CERS6: variants seen among roughly 807,000 people sequenced by gnomAD.
The protein encoded by CERS6 is LAG1 homolog, ceramide synthase 6.
In CERS6, 26 loss-of-function variants were observed where a neutral mutation model predicts 56.8. That is an observed-to-expected ratio of 0.46 (90% confidence interval 0.34 to 0.63). The LOEUF (loss-of-function observed/expected upper bound fraction) is 0.63. Ranked by LOEUF, CERS6 falls within the 30% of genes least tolerant of loss-of-function variation. The pLI is 0.01. For missense variants in CERS6, 415 were observed against 467.5 expected (o/e 0.89, Z 1.04); for synonymous variants, 164 against 173.3 (o/e 0.95, Z 0.42).
chr2:168,524,032 A>G (rs956469296), intron 1 of CERS6, among the ~76,000 whole-genome samples: 47 of 152,192 alleles, frequency 3.1e-4, no homozygotes, highest in African/African-American at 1.1e-3. Context: ...TCTCCAGTAG[A>G]CATGCTGATG....
intron 6 of CERS6, among the ~76,000 whole-genome samples, chr2:168,697,276 G>A (rs892457651): frequency 1.3e-5 from 2 of 152,148 alleles, no homozygotes; most frequent in Non-Finnish European, 2.9e-5. Context: ...TTTGACACCC[G>A]TAATTTGTGG....
intron 8 of CERS6, among the ~76,000 whole-genome samples, chr2:168,728,863 G>A (rs916148897): frequency 6.6e-6 from 1 of 151,494 alleles, no homozygotes; most frequent in Non-Finnish European, 1.5e-5. Context: ...AAAAATAGCC[G>A]GGCATGGTGG....
At chr2:168,728,725 G>T (rs1683426256) in intron 8 of CERS6, among the ~76,000 whole-genome samples, 1 of 151,822 alleles carries the variant, frequency 6.6e-6, no homozygotes, top group African/African-American at 2.4e-5. Context: ...ATTGTCGCCG[G>T]CCAGTCGCAG....
At chr2:168,525,795 T>A (rs1695061235) in intron 1 of CERS6, among the ~76,000 whole-genome samples, 1 of 152,266 alleles carries the variant, frequency 6.6e-6, no homozygotes, top group South Asian at 2.1e-4. Flanking sequence ...GACCCTTCTC[T>A]GCAGGTCTTT....
intron 3 of CERS6, among the ~76,000 whole-genome samples, chr2:168,592,276 G>A (rs1294390085): frequency 6.6e-6 from 1 of 152,124 alleles, no homozygotes; most frequent in Non-Finnish European, 1.5e-5. Context: ...GCAGAAAATG[G>A]TGAATGGAAA....
intron 3 of CERS6, among the ~76,000 whole-genome samples, chr2:168,612,333 G>A (rs959915883): frequency 1.3e-5 from 2 of 152,182 alleles, no homozygotes; most frequent in Non-Finnish European, 2.9e-5. Flanking sequence ...CTGATTGTTG[G>A]TCACTTAAAG....
In CERS6 at chr2:168,531,826, A is replaced by G. The variant is rs1346430962; in HGVS notation, c.171-15770A>G. On this transcript the variant is annotated intron_variant, in intron 1 of 9. Coordinates refer to ENST00000305747, the MANE Select transcript of CERS6 (RefSeq NM_203463.3). ...ACAGAGCGAGACTCTGTCTCAAAAA[A>G]AAAAAAAAAAGGTCAGTGACCACCA... is the stretch of plus-strand genomic sequence containing the variant. 2.6e-5 allele frequency among the ~76,000 whole-genome samples: 4 copies of G among 152,172 alleles called. No individual in the cohort carries two copies. The East Asian group carries it at 7.7e-4, about 29-fold the overall frequency.
At chr2:168,756,995 G>T (rs1265374535) in intron 8 of CERS6, among the ~76,000 whole-genome samples, 1 of 152,156 alleles carries the variant, frequency 6.6e-6, no homozygotes, top group East Asian at 1.9e-4. Context: ...CATAGTTAAT[G>T]TTCAATAAGT....
chr2:168,493,425 T>C (rs553879373), intron 1 of CERS6, among the ~76,000 whole-genome samples: 2 of 152,118 alleles, frequency 1.3e-5, no homozygotes, highest in East Asian at 1.9e-4. Context: ...TAGCCCAGGG[T>C]TGAAGAGCTA....
At chr2:168,614,002 A>G (rs1684248967) in intron 3 of CERS6, among the ~76,000 whole-genome samples, 1 of 152,200 alleles carries the variant, frequency 6.6e-6, no homozygotes, top group African/African-American at 2.4e-5. Flanking sequence ...ATGGGGTTGG[A>G]TTTTGTGAAA....
chr2:168,749,526 A>C (rs1684200219), intron 8 of CERS6, among the ~76,000 whole-genome samples: 1 of 152,230 alleles, frequency 6.6e-6, no homozygotes, highest in South Asian at 2.1e-4. Context: ...CAGTCTGAGC[A>C]GATGGGGGAA....
chr2:168,671,133 G>A (rs944793140), intron 4 of CERS6, among the ~76,000 whole-genome samples: 1 of 151,450 alleles, frequency 6.6e-6, no homozygotes, highest in African/African-American at 2.4e-5. Flanking sequence ...GCTAATTTTT[G>A]TATTTTTTTT....
chr2:168,704,313 C>G, intron 6 of CERS6, among the ~76,000 whole-genome samples: 1 of 152,004 alleles, frequency 6.6e-6, no homozygotes, highest in East Asian at 1.9e-4. Context: ...GTCTCGGGCT[C>G]TGGGCACATA....
At chr2:168,735,087 G>C (rs1683671007) in intron 8 of CERS6, among the ~76,000 whole-genome samples, 1 of 152,110 alleles carries the variant, frequency 6.6e-6, no homozygotes, top group Non-Finnish European at 1.5e-5. Flanking sequence ...TTCTCAAGTG[G>C]ACCAGTTCTT....
rs145984298 is a variant in CERS6 at position 168,638,425 on chromosome 2, G to A, written c.465+7383G>A. Among the ~76,000 whole-genome samples the A allele has an allele frequency of 1.0e-2, 1,012 of 101,572 alleles. 12 individuals are homozygous for A. Among genetic ancestry groups the A allele is most frequent in the African/African-American group, 0.025 (917 of 36,676 alleles). The allele number at this position is 101,572 out of a possible 152,430, so 66.6% of individuals were successfully genotyped here. A position where few individuals can be genotyped will look rare whatever the true frequency, so the allele number is the denominator to read the frequency against. ...TACCCTGATTTGACCATTGCACATC[G>A]TATCAAAAAAAAAAAGTATCAAAAA... On this transcript the variant is annotated intron_variant, in intron 4 of 9. Coordinates refer to ENST00000305747, the MANE Select transcript of CERS6 (RefSeq NM_203463.3).
At chr2:168,590,849 G>T (rs1040619667) in intron 3 of CERS6, among the ~76,000 whole-genome samples, 1 of 152,126 alleles carries the variant, frequency 6.6e-6, no homozygotes, top group East Asian at 1.9e-4. Flanking sequence ...TTGGAATAAC[G>T]TGCCCAAAGC....
chr2:168,468,788 CTCTT>C (rs1462944563), intron 1 of CERS6, among the ~76,000 whole-genome samples: 2 of 152,176 alleles, frequency 1.3e-5, no homozygotes, highest in East Asian at 1.9e-4. Flanking sequence ...TCCCTTCTCT[CTCTT>C]TTTTTCCTCT....
intron 1 of CERS6, among the ~76,000 whole-genome samples, chr2:168,522,727 T>C (rs1160019924): frequency 1.3e-5 from 2 of 152,158 alleles, no homozygotes; most frequent in East Asian, 1.9e-4. Flanking sequence ...TTTTTACTTT[T>C]TTGTAGAGAC....
intron 6 of CERS6, among the ~76,000 whole-genome samples, chr2:168,712,674 A>G (rs1266991446): frequency 1.3e-5 from 2 of 152,152 alleles, no homozygotes; most frequent in Non-Finnish European, 2.9e-5. Context: ...AATTTTTACA[A>G]TCTGTAATGT....
Sources: allele counts gnomAD v4.1 joint callset (sites outside exome capture counted in the v4.1 genomes callset), GRCh38; gene constraint gnomAD v4.1.1; transcripts MANE v1.5; gene names NCBI Gene and HGNC (gene_info 2026-07-23, HGNC 2026-07-21).